The following MAN2A1 variants were observed in gnomAD, a reference collection of about 807,000 sequenced individuals.
MAN2A1 encodes the protein alpha-mannosidase 2.
Under a neutral mutation model 142.6 loss-of-function variants are expected in MAN2A1, and 76 were observed. The ratio of observed to expected loss-of-function variants is 0.53; its 90% CI spans 0.44 to 0.65. The LOEUF is 0.65. MAN2A1 is among the 30% of genes least tolerant of loss of function. The pLI, the probability that MAN2A1 is intolerant of heterozygous loss-of-function variation, is 0.00. For synonymous variants in MAN2A1, 559 were observed against 473.2 expected (o/e 1.18, Z -2.35); for missense variants, 1,311 against 1,365.1 (o/e 0.96, Z 0.62).
At position 109,746,717 on chromosome 5, in the gene MAN2A1, G is replaced by A. The variant is rs200839943; in HGVS notation, c.708-8612G>A. On this transcript the variant is annotated intron_variant, in intron 4 of 21. Coordinates refer to ENST00000261483, the MANE Select transcript of MAN2A1 (RefSeq NM_002372.4). The stretch of plus-strand genomic sequence containing the variant: ...CAGCTGTTACTACCATCCATCTCTA[G>A]AACTTTGTCATCACCCCAAATGCAA... 4.1e-4 allele frequency among the ~76,000 whole-genome samples: 63 copies of A among 151,996 alleles called. No homozygotes were observed. The East Asian group carries it at 0.011, about 28-fold the overall frequency.
chr5:109,850,866 T>C (rs893302733), intron 19 of MAN2A1, among the ~76,000 whole-genome samples: 8 of 152,330 alleles, frequency 5.3e-5, no homozygotes, highest in African/African-American at 1.4e-4. Context: ...CTTCAATTAA[T>C]GGTTTCTTTT....
At chr5:109,850,199 A>G (rs1755449346) in intron 19 of MAN2A1, among the ~76,000 whole-genome samples, 1 of 152,208 alleles carries the variant, frequency 6.6e-6, no homozygotes, top group African/African-American at 2.4e-5. Flanking sequence ...GGCAGAGGAC[A>G]TGCCTAATAT....
At position 109,781,500 on chromosome 5, in the gene MAN2A1, T is replaced by C. The variant is rs1431054774; in HGVS notation, c.1479T>C (p.Phe493=). ...QSMFPVLSGD[F]FTYADRDDHY... is the part of the protein sequence containing the mutation. The stretch of plus-strand genomic sequence containing the variant: ...TGTTCCCTGTTTTAAGTGGAGATTT[T>C]TTCACTTATGCCGATCGAGATGATC... Residue 493 remains phenylalanine, a synonymous_variant, in exon 9 of 22, where the codon TTT becomes TTC. Coordinates refer to ENST00000261483, the MANE Select transcript of MAN2A1 (RefSeq NM_002372.4). 1 of 1,613,166 alleles carries C rather than the reference T, an allele frequency of 6.2e-7. No individual in the cohort carries two copies. Among genetic ancestry groups the C allele is most frequent in the South Asian group, 1.1e-5 (1 of 90,982 alleles).
Position 109,820,208 on chromosome 5 carries a change from T to C in MAN2A1, c.2329-12T>C. 6.3e-7 allele frequency: 1 copy of C among 1,594,914 alleles called. No homozygotes were observed. The highest frequency in any genetic ancestry group is 8.6e-7 in the Non-Finnish European group (1 of 1,168,514). The stretch of plus-strand genomic sequence containing the variant: ...TGGTGAGTTGCTTATTATTATTTTT[T>C]TTAATCTTTAGCAAATGATGACTAA... On this transcript the variant is annotated splice_polypyrimidine_tract_variant and intron_variant, in intron 14 of 21. Transcript: ENST00000261483.
chr5:109,748,637 G>A lies in MAN2A1; in HGVS notation c.708-6692G>A, dbSNP rs190901232. 1.9e-3 allele frequency among the ~76,000 whole-genome samples: 289 copies of A among 152,168 alleles called. 1 individual carries two copies. Among genetic ancestry groups the A allele is most frequent in the African/African-American group, 6.5e-3 (272 of 41,528 alleles). The stretch of plus-strand genomic sequence containing the variant: ...AGTTCAGGCTGGATTTGGGTGGAAT[G>A]TGGTGGCCAGTAACAGCCCCTAATG... On this transcript the variant is annotated intron_variant, in intron 4 of 21. Coordinates refer to ENST00000261483, the MANE Select transcript of MAN2A1 (RefSeq NM_002372.4).
intron 16 of MAN2A1, among the ~76,000 whole-genome samples, chr5:109,825,770 C>G (rs184592512): frequency 1.3e-5 from 2 of 152,178 alleles, no homozygotes; most frequent in African/African-American, 4.8e-5. Flanking sequence ...AGCAGGAGCC[C>G]GGGCCACTGA....
At chr5:109,804,194 T>G in intron 12 of MAN2A1, 2 of 987,274 alleles carry the variant, frequency 2.0e-6, no homozygotes, top group Non-Finnish European at 2.4e-6. Context: ...AGGAAAAGGA[T>G]TTTAGTGAAG....
At chr5:109,737,694 C>G (rs1752144937) in intron 4 of MAN2A1, among the ~76,000 whole-genome samples, 2 of 152,046 alleles carry the variant, frequency 1.3e-5, no homozygotes, top group African/African-American at 4.8e-5. Flanking sequence ...GTGTAGCACT[C>G]TAAAACTTCA....
chr5:109,709,672 A>G (rs750963425), intron 1 of MAN2A1, among the ~76,000 whole-genome samples: 3 of 152,258 alleles, frequency 2.0e-5, no homozygotes, highest in Non-Finnish European at 2.9e-5. Flanking sequence ...TAGACTCTAA[A>G]TTTGTTCTCT....
chr5:109,814,815 GGA>G (rs1251678579), intron 12 of MAN2A1, among the ~76,000 whole-genome samples: 2 of 152,162 alleles, frequency 1.3e-5, no homozygotes, highest in African/African-American at 4.8e-5. Context: ...TTAGTGTTCT[GGA>G]TGCTTATTAT....
rs1255604933 is a variant in MAN2A1, at chr5:109,733,395, C to T, written c.707+3882C>T. 2.0e-5 allele frequency among the ~76,000 whole-genome samples: 3 copies of T among 152,164 alleles called. 1 individual carries two copies. Among genetic ancestry groups the T allele is most frequent in the South Asian group, 4.1e-4 (2 of 4,826 alleles). ...ATTTCCCTGGCCAGAACTTCCAACA[C>T]TATGTTGAATAGGAGTGGTGAGAGA... On this transcript the variant is annotated intron_variant, in intron 4 of 21. Transcript: ENST00000261483.
chr5:109,726,160 T>A (rs569350189), intron 3 of MAN2A1, among the ~76,000 whole-genome samples: 22 of 152,298 alleles, frequency 1.4e-4, no homozygotes, highest in Non-Finnish European at 2.8e-4. Context: ...CTTAAGTAAA[T>A]CAGTTTGCAA....
chr5:109,829,893 C>A (rs1410929897), intron 16 of MAN2A1, among the ~76,000 whole-genome samples: 1 of 152,134 alleles, frequency 6.6e-6, no homozygotes, highest in Non-Finnish European at 1.5e-5. Context: ...ATTGTCCCAT[C>A]CCTTCTTAAA....
intron 5 of MAN2A1, among the ~76,000 whole-genome samples, chr5:109,757,064 G>A (rs1409489479): frequency 6.6e-6 from 1 of 152,036 alleles, no homozygotes; most frequent in Non-Finnish European, 1.5e-5. Context: ...GCTTGCACCT[G>A]GTTTCCTCTG....
chr5:109,718,424 G>A (rs1250443738), intron 3 of MAN2A1, among the ~76,000 whole-genome samples: 4 of 152,110 alleles, frequency 2.6e-5, no homozygotes, highest in Non-Finnish European at 4.4e-5. Flanking sequence ...TAGTGCATAC[G>A]CATGAAGGTT....
intron 20 of MAN2A1, among the ~76,000 whole-genome samples, chr5:109,856,960 A>T (rs1344401947): frequency 6.6e-6 from 1 of 152,370 alleles, no homozygotes; most frequent in African/African-American, 2.4e-5. Flanking sequence ...GTAATATGTT[A>T]GATGGTGTTA....
intron 4 of MAN2A1, among the ~76,000 whole-genome samples, chr5:109,737,408 C>G (rs1752135461): frequency 6.6e-6 from 1 of 151,534 alleles, no homozygotes; most frequent in South Asian, 2.1e-4. Context: ...GCCACTGTCC[C>G]TGGCCTGTAT....
Position 109,767,694 on chromosome 5 carries a change from G to T in MAN2A1, c.995G>T (p.Trp332Leu). 6.2e-7 allele frequency: 1 copy of T among 1,611,660 alleles called. No individual in the cohort carries two copies. The highest frequency in any genetic ancestry group is 2.2e-5 in the East Asian group (1 of 44,858). Residue 332 changes from tryptophan to leucine, a missense_variant, in exon 6 of 22, where the codon TGG becomes TTG. Transcript: ENST00000261483. ...CTGCATAAAACATTGGAGTTTTTTT[G>T]GAGACAGAATTGGGGTATGTAGGGT... ...FALHKTLEFF[W>L]RQNWDLGSVT... is the part of the protein sequence containing the mutation.
intron 4 of MAN2A1, among the ~76,000 whole-genome samples, chr5:109,743,378 C>T (rs1410626145): frequency 3.9e-5 from 6 of 152,130 alleles, no homozygotes; most frequent in African/African-American, 1.4e-4. Flanking sequence ...GATAAGCACT[C>T]GTTTAATTAT....
Sources: allele counts gnomAD v4.1 joint callset (sites outside exome capture counted in the v4.1 genomes callset), GRCh38; gene constraint gnomAD v4.1.1; transcripts MANE v1.5; gene names NCBI Gene and HGNC (gene_info 2026-07-23, HGNC 2026-07-21).